The following GRIK1 variants were observed in gnomAD, a reference collection of about 807,000 sequenced individuals.
GRIK1 encodes glutamate ionotropic receptor kainate type subunit 1, also known as glutamate receptor ionotropic, kainate 1.
GRIK1 carries 69 observed loss-of-function variants against 105.7 expected under a neutral mutation model. The ratio of observed to expected loss-of-function variants is 0.65; its 90% CI spans 0.54 to 0.80. GRIK1 has a LOEUF of 0.80. GRIK1 is among the 30% of genes least tolerant of loss of function. GRIK1 has a pLI of 0.00. For missense variants in GRIK1, 1,109 were observed against 1,167.3 expected (o/e 0.95, Z 0.73); for synonymous variants, 438 against 431.3 (o/e 1.02, Z -0.19).
chr21:29,867,860 G>GAAAGAAAGAA (rs60273108), intron 1 of GRIK1, among the ~76,000 whole-genome samples: 1 of 99,188 alleles, frequency 1.0e-5, no homozygotes, highest in African/African-American at 4.0e-5. Context: ...AAGAGAGAAA[G>GAAAGAAAGAA]AGAGAGAAAG....
chr21:29,564,296 C>T (rs1036482110), intron 14 of GRIK1, among the ~76,000 whole-genome samples: 18 of 151,876 alleles, frequency 1.2e-4, no homozygotes, highest in South Asian at 1.0e-3. Flanking sequence ...TACAGGCGCC[C>T]GCCACTACAC....
In GRIK1 at chr21:29,604,050, G is replaced by A. The variant is rs538316664; in HGVS notation, c.1099-5113C>T. ...GAATTGGTAGCATTTATCTCTTAGG[G>A]GAGCATATGGCTTATAGCGGGGTCT... On this transcript the variant is annotated intron_variant, in intron 7 of 17. Transcript: ENST00000327783. Among the ~76,000 whole-genome samples, 87 of 152,236 alleles carry A rather than the reference G, an allele frequency of 5.7e-4. 1 individual carries two copies. The highest frequency in any genetic ancestry group is 2.0e-3 in the African/African-American group (82 of 41,536).
intron 1 of GRIK1, among the ~76,000 whole-genome samples, chr21:29,885,548 T>C (rs1442577877): frequency 6.6e-6 from 1 of 152,066 alleles, no homozygotes; most frequent in East Asian, 1.9e-4. Context: ...GTGAAAGATA[T>C]TGTCTTAGAA....
At chr21:29,707,794 A>G (rs916482421) in intron 1 of GRIK1, among the ~76,000 whole-genome samples, 1 of 151,454 alleles carries the variant, frequency 6.6e-6, no homozygotes, top group Non-Finnish European at 1.5e-5. Context: ...ACTCTATCCT[A>G]TTTTCTCCTG....
chr21:29,868,648 C>T (rs774043442), intron 1 of GRIK1, among the ~76,000 whole-genome samples: 2 of 152,174 alleles, frequency 1.3e-5, no homozygotes, highest in Non-Finnish European at 2.9e-5. Flanking sequence ...CCTCCTATCT[C>T]TTTCCTGCCT....
At chr21:29,901,057 G>C (rs1047886904) in intron 1 of GRIK1, among the ~76,000 whole-genome samples, 3 of 152,154 alleles carry the variant, frequency 2.0e-5, no homozygotes, top group Non-Finnish European at 4.4e-5. Flanking sequence ...ATAAAGAAAT[G>C]AAGGCAGAAA....
chr21:29,905,932 A>G (rs1240047151), intron 1 of GRIK1, among the ~76,000 whole-genome samples: 1 of 141,006 alleles, frequency 7.1e-6, no homozygotes, highest in African/African-American at 2.9e-5. Context: ...CTGGCCCAAA[A>G]CTTGTTTTTT....
intron 1 of GRIK1, among the ~76,000 whole-genome samples, chr21:29,741,734 G>T (rs1400160197): frequency 6.6e-6 from 1 of 152,130 alleles, no homozygotes; most frequent in Non-Finnish European, 1.5e-5. Context: ...TTATTAAACT[G>T]CCATATTTTA....
chr21:29,592,575 C>A (rs960893646), intron 9 of GRIK1, among the ~76,000 whole-genome samples: 2 of 152,132 alleles, frequency 1.3e-5, no homozygotes, highest in Non-Finnish European at 2.9e-5. Context: ...TGTTTTAGAG[C>A]CAGGAAGACC....
rs372323754 is a variant in GRIK1 at position 29,576,818 on chromosome 21, A to G, written c.2130+146T>C. On this transcript the variant is annotated intron_variant, in intron 14 of 17. Coordinates refer to ENST00000327783, the MANE Select transcript of GRIK1 (RefSeq NM_001330994.2). ...GGCTTCAAGGATTCCTTATAATGGG[A>G]TTATGTAATTATAAATTTTATTTCA... 5.0e-6 allele frequency: 3 copies of G among 605,036 alleles called. No homozygotes were observed. The African/African-American group carries it at 5.6e-5, about 11-fold the overall frequency. 37.5% of individuals were successfully genotyped at this position (605,036 alleles called of 1,614,324 possible).
At chr21:29,716,850 C>T (rs775513982) in intron 1 of GRIK1, among the ~76,000 whole-genome samples, 1 of 152,240 alleles carries the variant, frequency 6.6e-6, no homozygotes, top group African/African-American at 2.4e-5. Context: ...ATCACCAAGA[C>T]AATGGGGAAA....
intron 16 of GRIK1, among the ~76,000 whole-genome samples, chr21:29,539,550 A>G (rs1251677860): frequency 6.6e-6 from 1 of 152,224 alleles, no homozygotes; most frequent in Non-Finnish European, 1.5e-5. Flanking sequence ...TCATGTCTGT[A>G]TATCATGAAT....
chr21:29,915,186 ACAC>A (rs2070952840), intron 1 of GRIK1, among the ~76,000 whole-genome samples: 2 of 150,998 alleles, frequency 1.3e-5, no homozygotes, highest in South Asian at 2.1e-4. Context: ...GAATCCAGAC[ACAC>A]ACACACACAC....
intron 16 of GRIK1, among the ~76,000 whole-genome samples, chr21:29,548,190 G>C (rs1443370380): frequency 6.6e-6 from 1 of 152,110 alleles, no homozygotes; most frequent in Non-Finnish European, 1.5e-5. Context: ...GACACACATT[G>C]TTGTGTACTT....
At chr21:29,593,471 G>T (rs1421253793) in intron 9 of GRIK1, among the ~76,000 whole-genome samples, 2 of 152,104 alleles carry the variant, frequency 1.3e-5, no homozygotes, top group Non-Finnish European at 2.9e-5. Context: ...AGGGACCCTT[G>T]CTTCTAGGAA....
At chr21:29,686,515 G>C (rs575359941) in intron 3 of GRIK1, among the ~76,000 whole-genome samples, 2 of 152,224 alleles carry the variant, frequency 1.3e-5, no homozygotes, top group South Asian at 2.1e-4. Context: ...TTAGTTTTTA[G>C]CTCAGTTGTC....
chr21:29,825,095 A>G (rs1466069283), intron 1 of GRIK1, among the ~76,000 whole-genome samples: 1 of 152,138 alleles, frequency 6.6e-6, no homozygotes, highest in Non-Finnish European at 1.5e-5. Flanking sequence ...GACACTTATC[A>G]TTTAAGGGAT....
At chr21:29,900,608 C>G (rs1470479403) in intron 1 of GRIK1, among the ~76,000 whole-genome samples, 1 of 152,020 alleles carries the variant, frequency 6.6e-6, no homozygotes, top group Non-Finnish European at 1.5e-5. Context: ...TATATATGCA[C>G]CCAATACAGG....
At chr21:29,720,852 A>C (rs917269281) in intron 1 of GRIK1, among the ~76,000 whole-genome samples, 1 of 152,200 alleles carries the variant, frequency 6.6e-6, no homozygotes, top group Non-Finnish European at 1.5e-5. Flanking sequence ...GAAAGAGTTC[A>C]GGAAATGTCA....
Sources: gnomAD v4.1 joint callset for allele counts (sites outside exome capture counted in the v4.1 genomes callset) on GRCh38, gnomAD v4.1.1 for gene constraint, MANE v1.5 for transcripts, NCBI Gene and HGNC (gene_info 2026-07-23, HGNC 2026-07-21) for gene names.